The following PPM1H variants were observed in gnomAD, a reference collection of about 807,000 sequenced individuals.
The protein encoded by PPM1H is protein phosphatase 1H.
PPM1H carries 27 observed loss-of-function variants against 54.9 expected under a neutral mutation model. The ratio of observed to expected loss-of-function variants is 0.49; its 90% confidence interval spans 0.36 to 0.68. PPM1H has a LOEUF of 0.68. PPM1H is among the 30% of genes least tolerant of loss of function. The probability of loss-of-function intolerance (pLI) is 0.00; values close to 1 mark genes in which losing one functional copy is unlikely to be tolerated. For synonymous variants in PPM1H, 305 were observed against 270.8 expected (o/e 1.13, Z -1.24); for missense variants, 596 against 667.8 (o/e 0.89, Z 1.19).
At chr12:62,720,075 C>A in intron 6 of PPM1H, 96 bp downstream of exon 6, 4 of 1,080,850 alleles carry the variant, frequency 3.7e-6, no homozygotes, top group Non-Finnish European at 5.6e-6. Context: ...TCTGGCTGTG[C>A]TTCCTGATCC....
chr12:62,819,694 A>G (rs1013280094), intron 2 of PPM1H, among the ~76,000 whole-genome samples: 3 of 152,154 alleles, frequency 2.0e-5, no homozygotes, highest in Admixed American at 2.0e-4. Context: ...TATTTCAAAC[A>G]TTGCTTCTTT....
At chr12:62,837,280 A>T (rs184827789) in intron 1 of PPM1H, among the ~76,000 whole-genome samples, 1 of 152,354 alleles carries the variant, frequency 6.6e-6, no homozygotes, top group East Asian at 1.9e-4. Context: ...ACACTTAGAA[A>T]GCATCCCTAT....
intron 9 of PPM1H, among the ~76,000 whole-genome samples, chr12:62,666,286 T>C (rs374471957): frequency 6.6e-6 from 1 of 152,262 alleles, no homozygotes; most frequent in African/African-American, 2.4e-5. Context: ...TAAAGAAGTA[T>C]TTACAGGTCC....
intron 1 of PPM1H, among the ~76,000 whole-genome samples, chr12:62,834,421 A>G (rs756822489): frequency 9.9e-5 from 15 of 152,226 alleles, no homozygotes; most frequent in Non-Finnish European, 2.1e-4. Context: ...GAAGCTCCAC[A>G]GCCAGGAAGT....
intron 1 of PPM1H, among the ~76,000 whole-genome samples, chr12:62,889,820 C>T (rs1297873164): frequency 6.6e-6 from 1 of 152,124 alleles, no homozygotes; most frequent in African/African-American, 2.4e-5. Flanking sequence ...AACTATAAAA[C>T]TTCTAGAAAA....
chr12:62,832,371 C>T (rs925951131), intron 1 of PPM1H, 92 bp from the exon 2 acceptor site: 32 of 1,264,334 alleles, frequency 2.5e-5, no homozygotes, highest in Non-Finnish European at 3.1e-5. Flanking sequence ...GTCTCTACAA[C>T]TGGCCCAGAA....
intron 8 of PPM1H, among the ~76,000 whole-genome samples, chr12:62,688,684 G>A (rs527916528): frequency 6.6e-6 from 1 of 152,202 alleles, no homozygotes; most frequent in East Asian, 1.9e-4. Flanking sequence ...TCTAACGAGG[G>A]GATAAGGTAT....
intron 1 of PPM1H, among the ~76,000 whole-genome samples, chr12:62,886,710 A>G (rs1870601514): frequency 1.3e-5 from 2 of 152,220 alleles, no homozygotes; most frequent in Admixed American, 6.5e-5. Flanking sequence ...AGCTCAACAC[A>G]ATTATTTCAT....
intron 2 of PPM1H, among the ~76,000 whole-genome samples, chr12:62,804,732 G>C (rs1034996446): frequency 7.3e-6 from 1 of 137,412 alleles, no homozygotes; most frequent in African/African-American, 2.9e-5. Context: ...CTGGAGTGCA[G>C]TGGCGGGATC....
chr12:62,769,335 A>C (rs2120642298), intron 4 of PPM1H, among the ~76,000 whole-genome samples: 1 of 152,230 alleles, frequency 6.6e-6, no homozygotes, highest in South Asian at 2.1e-4. Flanking sequence ...ATACCGCTTT[A>C]CCCTTTTAAG....
intron 5 of PPM1H, among the ~76,000 whole-genome samples, chr12:62,725,760 A>C (rs188410664): frequency 1.3e-5 from 2 of 152,140 alleles, no homozygotes; most frequent in African/African-American, 4.8e-5. Flanking sequence ...TGATGTTCAC[A>C]TATGTCCAGG....
At chr12:62,772,441 C>A (rs1207587905) in intron 4 of PPM1H, among the ~76,000 whole-genome samples, 1 of 152,140 alleles carries the variant, frequency 6.6e-6, no homozygotes, top group East Asian at 1.9e-4. Flanking sequence ...CCCTTCTTTA[C>A]TCTTTAAAAA....
At chr12:62,711,850 T>C (rs1198501889) in intron 6 of PPM1H, among the ~76,000 whole-genome samples, 1 of 152,020 alleles carries the variant, frequency 6.6e-6, no homozygotes, top group Non-Finnish European at 1.5e-5. Flanking sequence ...CTTTTCTTTC[T>C]CCTCCCTGTG....
chr12:62,668,752 G>T (rs2075936082), intron 8 of PPM1H, among the ~76,000 whole-genome samples: 1 of 152,240 alleles, frequency 6.6e-6, no homozygotes, highest in South Asian at 2.1e-4. Flanking sequence ...CACAGCCATT[G>T]TTATGTCACC....
At chr12:62,912,905 T>C (rs1871504047) in intron 1 of PPM1H, among the ~76,000 whole-genome samples, 1 of 152,232 alleles carries the variant, frequency 6.6e-6, no homozygotes, top group African/African-American at 2.4e-5. Context: ...TCAAAAACCA[T>C]TAGTTTGTAG....
At chr12:62,776,632 G>C (rs1456692979) in intron 4 of PPM1H, among the ~76,000 whole-genome samples, 1 of 152,152 alleles carries the variant, frequency 6.6e-6, no homozygotes, top group Admixed American at 6.5e-5. Flanking sequence ...TCCACAAATG[G>C]GAAAGCAAGG....
At chr12:62,649,222 A>ATT (rs748414376) in intron 9 of PPM1H, among the ~76,000 whole-genome samples, 3 of 148,092 alleles carry the variant, frequency 2.0e-5, no homozygotes, top group Non-Finnish European at 3.0e-5. Flanking sequence ...AATTTATTTA[A>ATT]TTTTTTTTTT....
intron 1 of PPM1H, among the ~76,000 whole-genome samples, chr12:62,837,630 T>C (rs532681845): frequency 6.6e-6 from 1 of 152,342 alleles, no homozygotes; most frequent in East Asian, 1.9e-4. Context: ...AAGGTACTTT[T>C]TTCCCCTAAA....
intron 2 of PPM1H, among the ~76,000 whole-genome samples, chr12:62,819,131 T>A (rs1002320696): frequency 9.4e-6 from 1 of 106,490 alleles, no homozygotes; most frequent in Non-Finnish European, 1.8e-5. Flanking sequence ...AAAACATTGC[T>A]TTTTTTTTTT....
Sources: gnomAD v4.1 joint callset for allele counts (sites outside exome capture counted in the v4.1 genomes callset) on GRCh38, gnomAD v4.1.1 for gene constraint, MANE v1.5 for transcripts, NCBI Gene and HGNC (gene_info 2026-07-23, HGNC 2026-07-21) for gene names.